The following SMARCC1 variants were observed in gnomAD, a reference collection of about 807,000 sequenced individuals.
The protein encoded by SMARCC1 is SWI/SNF related BAF chromatin remodeling complex subunit C1, also known as SWI/SNF complex subunit SMARCC1.
Under a neutral mutation model 147.4 loss-of-function variants are expected in SMARCC1, and 43 were observed. The observed-to-expected ratio is 0.29, with a 90% CI of 0.23 to 0.38. The LOEUF (loss-of-function observed/expected upper bound fraction) is 0.38. Among genes scored for constraint, SMARCC1 ranks in the 10% least tolerant of loss-of-function variants. The pLI, the probability that SMARCC1 is intolerant of heterozygous loss-of-function variation, is 1.00. For synonymous variants in SMARCC1, 495 were observed against 484.4 expected (o/e 1.02, Z -0.29); for missense variants, 1,119 against 1,381.1 (o/e 0.81, Z 3.01).
At chr3:47,630,137 T>C (rs1465660991) in intron 24 of SMARCC1, among the ~76,000 whole-genome samples, 1 of 112,354 alleles carries the variant, frequency 8.9e-6, no homozygotes, top group East Asian at 3.1e-4. Context: ...CGGAAGAGGA[T>C]GAAAGACAAT....
chr3:47,638,552 A>C (rs763953247), intron 22 of SMARCC1, among the ~76,000 whole-genome samples, 173 bp downstream of exon 22: 1 of 152,222 alleles, frequency 6.6e-6, no homozygotes, highest in Non-Finnish European at 1.5e-5. Context: ...CAGTGAACAA[A>C]TGAAAAATGT....
chr3:47,600,997 A>AGGAGAGAG (rs1559622849), intron 26 of SMARCC1, among the ~76,000 whole-genome samples: 4 of 28,880 alleles, frequency 1.4e-4, no homozygotes, highest in Admixed American at 2.7e-4. Flanking sequence ...GAGGAAGAAA[A>AGGAGAGAG]TGAGAGAGAG....
At chr3:47,743,023 A>G (rs1364474350) in intron 3 of SMARCC1, among the ~76,000 whole-genome samples, 1 of 152,246 alleles carries the variant, frequency 6.6e-6, no homozygotes, top group Non-Finnish European at 1.5e-5. Flanking sequence ...GTCAGTAAGA[A>G]AGCAGAACCA....
intron 24 of SMARCC1, among the ~76,000 whole-genome samples, chr3:47,627,810 TCCTCAGCTCAAGAGATCCTCCTG>T (rs1281169765): frequency 6.6e-6 from 1 of 152,110 alleles, no homozygotes; most frequent in Non-Finnish European, 1.5e-5. Flanking sequence ...AACCTCAAAC[TCCTCAGCTCAAGAGATCCTCCTG>T]CCTCAGCCTC....
chr3:47,595,249 C>T (rs1242445330), intron 26 of SMARCC1, among the ~76,000 whole-genome samples: 1 of 152,114 alleles, frequency 6.6e-6, no homozygotes, highest in African/African-American at 2.4e-5. Context: ...CATGGCCAAG[C>T]GGGCGCGATG....
At chr3:47,764,193 T>C (rs1481780403) in intron 2 of SMARCC1, among the ~76,000 whole-genome samples, 1 of 152,062 alleles carries the variant, frequency 6.6e-6, no homozygotes, top group Non-Finnish European at 1.5e-5. Flanking sequence ...CACACCACCA[T>C]GCACGACTAA....
At chr3:47,665,696 G>A (rs2033411233) in intron 19 of SMARCC1, among the ~76,000 whole-genome samples, 1 of 152,116 alleles carries the variant, frequency 6.6e-6, no homozygotes, top group Non-Finnish European at 1.5e-5. Context: ...GTTTTGAAAA[G>A]AGAATAATGC....
At chr3:47,661,242 C>G (rs2033342347) in intron 21 of SMARCC1, 52 bp downstream of exon 21, 4 of 1,466,352 alleles carry the variant, frequency 2.7e-6, no homozygotes, top group Non-Finnish European at 3.7e-6. Context: ...AGTAAACTGA[C>G]AGGAATACAA....
At chr3:47,775,127 T>G (rs761853279) in intron 1 of SMARCC1, among the ~76,000 whole-genome samples, 1 of 151,942 alleles carries the variant, frequency 6.6e-6, no homozygotes, top group African/African-American at 2.4e-5. Flanking sequence ...AAGTGAAAAT[T>G]TGAAGTCAGT....
chr3:47,721,622 A>G (rs1159571893), intron 6 of SMARCC1, among the ~76,000 whole-genome samples: 1 of 152,190 alleles, frequency 6.6e-6, no homozygotes, highest in Non-Finnish European at 1.5e-5. Flanking sequence ...AGATTTTAAC[A>G]AGATATAGCC....
chr3:47,694,390 C>T (rs2033823876), intron 11 of SMARCC1, among the ~76,000 whole-genome samples: 1 of 152,150 alleles, frequency 6.6e-6, no homozygotes, highest in Admixed American at 6.5e-5. Context: ...CACTTGAGGT[C>T]AGGAGTCTTA....
At chr3:47,757,208 G>A (rs1438221347) in intron 2 of SMARCC1, among the ~76,000 whole-genome samples, 2 of 151,986 alleles carry the variant, frequency 1.3e-5, no homozygotes. Flanking sequence ...CTATGATCAA[G>A]GCAATGTACT....
intron 7 of SMARCC1, among the ~76,000 whole-genome samples, chr3:47,718,138 CAAAAAAAAAAAAA>C (rs71070217): frequency 1.9e-5 from 1 of 53,678 alleles, no homozygotes. Context: ...GACCTTGTCT[CAAAAAAAAAAAAA>C]AAAAAAAAAA....
intron 10 of SMARCC1, 90 bp from the exon 11 acceptor site, chr3:47,701,492 G>A (rs1289567265): frequency 8.4e-7 from 1 of 1,184,966 alleles, no homozygotes; most frequent in East Asian, 2.4e-5. Flanking sequence ...TTCATTATTT[G>A]TAGAACATAT....
At chr3:47,756,040 C>T (rs980503365) in intron 2 of SMARCC1, among the ~76,000 whole-genome samples, 4 of 142,234 alleles carry the variant, frequency 2.8e-5, no homozygotes, top group Non-Finnish European at 4.5e-5. Flanking sequence ...TGGTGGCGGG[C>T]GCCTATAATC....
At chr3:47,761,613 T>C (rs1207234055) in intron 2 of SMARCC1, among the ~76,000 whole-genome samples, 1 of 152,166 alleles carries the variant, frequency 6.6e-6, no homozygotes, top group Non-Finnish European at 1.5e-5. Flanking sequence ...CTACGACTGC[T>C]GATTTCTTTC....
chr3:47,688,192 G>A (rs1441509124), intron 13 of SMARCC1, among the ~76,000 whole-genome samples: 2 of 152,058 alleles, frequency 1.3e-5, no homozygotes, highest in Non-Finnish European at 2.9e-5. Flanking sequence ...CCCGGGAGGC[G>A]GAGGTTGTGG....
intron 21 of SMARCC1, among the ~76,000 whole-genome samples, chr3:47,655,434 C>T (rs1046045701): frequency 1.3e-5 from 2 of 151,518 alleles, no homozygotes; most frequent in African/African-American, 2.4e-5. Flanking sequence ...CGGTGGCCCA[C>T]GTCCATAATC....
At chr3:47,663,545 A>T in intron 19 of SMARCC1, 1 of 1,118,414 alleles carries the variant, frequency 8.9e-7, no homozygotes, top group Non-Finnish European at 1.3e-6. Flanking sequence ...CAGGGGTTCA[A>T]GGCCAGCCTG....
Sources: allele counts gnomAD v4.1 joint callset (sites outside exome capture counted in the v4.1 genomes callset), GRCh38; gene constraint gnomAD v4.1.1; transcripts MANE v1.5; gene names NCBI Gene and HGNC (gene_info 2026-07-23, HGNC 2026-07-21).